Variants in NLRC4 observed in about 807,000 individuals in gnomAD.
NLRC4 encodes the protein NLR family CARD domain-containing protein 4.
NLRC4 carries 63 observed loss-of-function variants against 79.9 expected under a neutral mutation model. That is an observed-to-expected ratio of 0.79 (90% CI 0.64 to 0.97). The LOEUF (loss-of-function observed/expected upper bound fraction) is 0.97. Ranked by LOEUF, NLRC4 falls within the 50% of genes least tolerant of loss-of-function variation. The pLI, the probability that NLRC4 is intolerant of heterozygous loss-of-function variation, is 0.00. For synonymous variants in NLRC4, 461 were observed against 456.5 expected, an observed-to-expected ratio of 1.01 and a Z score of -0.12; for missense variants, 1,074 against 1,215.2, an observed-to-expected ratio of 0.88 and a Z score of 1.73.
At chr2:32,240,033 T>C (rs1441336657) in intron 5 of NLRC4, among the ~76,000 whole-genome samples, 1 of 152,166 alleles carries the variant, frequency 6.6e-6, no homozygotes, top group Non-Finnish European at 1.5e-5. Context: ...GAGGCTGGAG[T>C]GCAGTGGAGC....
chr2:32,258,018 C>T (rs752912748), intron 1 of NLRC4, among the ~76,000 whole-genome samples: 1 of 152,114 alleles, frequency 6.6e-6, no homozygotes, highest in Non-Finnish European at 1.5e-5. Flanking sequence ...GGGGTTCTTG[C>T]CTTGGTGTAC....
chr2:32,255,138 G>A (rs1305947483), intron 2 of NLRC4, among the ~76,000 whole-genome samples: 1 of 151,802 alleles, frequency 6.6e-6, no homozygotes, highest in Admixed American at 6.6e-5. Context: ...TCCTTCTGGG[G>A]TCTCATCTGT....
chr2:32,252,126 C>G (rs1573495981), intron 3 of NLRC4, among the ~76,000 whole-genome samples: 1 of 152,322 alleles, frequency 6.6e-6, no homozygotes, highest in East Asian at 1.9e-4. Flanking sequence ...TGCTGAGAAC[C>G]ACTGCTGCAC....
Position 32,250,815 on chromosome 2 carries a change from C to T in NLRC4, c.1049G>A (p.Gly350Asp). ...FVVITCAIQM[G>D]ESEFHSHTQT... ...TGTGTGAGAGTGGAACTCACTTTCA[C>T]CCATCTGGATTGCACAAGTGATGAC... The change falls in exon 4 of 9, where the codon GGT (glycine) becomes GAT (aspartate). Residue 350 changes from glycine to aspartate, a missense_variant. By Grantham distance (94) the Gly-to-Asp change is moderately conservative. Coordinates refer to ENST00000402280, the MANE Select transcript of NLRC4 (RefSeq NM_001199138.2). The surrounding 1 kb of genome is among the most constrained non-coding windows in gnomAD (Gnocchi z 4.9). 6.2e-7 allele frequency: 1 copy of T among 1,614,192 alleles called. No individual in the cohort carries two copies. Among genetic ancestry groups the T allele is most frequent in the Non-Finnish European group, 8.5e-7 (1 of 1,180,028 alleles).
At chr2:32,232,729 C>T (rs931989297) in intron 8 of NLRC4, among the ~76,000 whole-genome samples, 8 of 152,034 alleles carry the variant, frequency 5.3e-5, no homozygotes, top group Non-Finnish European at 1.0e-4. Flanking sequence ...ATAGAAAGGG[C>T]CTGAAAAATA....
chr2:32,257,617 A>G (rs1189202507), intron 1 of NLRC4, among the ~76,000 whole-genome samples: 1 of 151,582 alleles, frequency 6.6e-6, no homozygotes, highest in Non-Finnish European at 1.5e-5. Context: ...AAAAAGAAAA[A>G]AAAAAAAAAA....
At chr2:32,240,297 T>G (rs985243320) in intron 5 of NLRC4, among the ~76,000 whole-genome samples, 1 of 151,852 alleles carries the variant, frequency 6.6e-6, no homozygotes, top group Non-Finnish European at 1.5e-5. Context: ...CATGTTTGGC[T>G]TATAGGCTAG....
chr2:32,236,313 GT>G lies in NLRC4; in HGVS notation c.2547del (p.Lys849AsnfsTer2). The G allele has an allele frequency of 6.2e-7, 1 of 1,610,150 alleles. No individual in the cohort carries two copies. Among genetic ancestry groups the G allele is most frequent in the South Asian group, 1.1e-5 (1 of 90,342 alleles). On this transcript the variant is annotated frameshift_variant, in exon 7 of 9. Transcript: ENST00000402280. LOFTEE classifies it high-confidence loss of function. Reference protein sequence around the residue: ...ILAQNLHNLVKLSILDLSENY... With the variant: ...ILAQNLHNLVXLSILDLSENY... Reference sequence around the variant, plus strand: ...TTTTCTGATAAATCAAGAATGCTCAGTTTGACCAAATTGTGAAGATTCTGAG... The same window carrying G: ...TTTTCTGATAAATCAAGAATGCTCAGTTGACCAAATTGTGAAGATTCTGAG...
chr2:32,229,789 A>G (rs1686489054), intron 8 of NLRC4, among the ~76,000 whole-genome samples: 1 of 152,248 alleles, frequency 6.6e-6, no homozygotes. Flanking sequence ...CTGCGGAGGA[A>G]TCAAATAAAT....
intron 1 of NLRC4, among the ~76,000 whole-genome samples, chr2:32,259,172 G>T (rs911748522): frequency 8.6e-5 from 13 of 151,302 alleles, no homozygotes; most frequent in African/African-American, 3.2e-4. Context: ...CATGGCTCAC[G>T]GCATCCTTAA....
rs758575700 is a variant in NLRC4, at chr2:32,249,748, A to G, written c.2116T>C (p.Leu706=). 2 of 1,614,242 alleles carry G rather than the reference A, an allele frequency of 1.2e-6. No individual in the cohort carries two copies. The highest frequency in any genetic ancestry group is 2.2e-5 in the South Asian group (2 of 91,076). ...ATGTTCTTACAGGTGCTGAGGACCA[A>G]ACTGAGGCTTCCAGCCACACCAGCA... ...RCAGVAGSLS[L]VLSTCKNIYS... Residue 706 remains leucine, a synonymous_variant, in exon 4 of 9, where the codon TTG becomes CTG. Coordinates refer to ENST00000402280, the MANE Select transcript of NLRC4 (RefSeq NM_001199138.2).
Position 32,251,204 on chromosome 2 carries a change from G to C in NLRC4, c.660C>G (p.Leu220=), listed in dbSNP as rs1369119295. ...GGLFETLCDQ[L]LDIPGTIRKQ... ...TCCTGATTGTGCCAGGTATATCCAG[G>C]AGTTGATCACAGAGGGTTTCAAAAA... Residue 220 remains leucine, a synonymous_variant, in exon 4 of 9, where the codon CTC becomes CTG. Transcript: ENST00000402280. The C allele has an allele frequency of 1.2e-6, 2 of 1,614,044 alleles. No homozygotes were observed. The highest frequency in any genetic ancestry group is 1.3e-5 in the African/African-American group (1 of 74,914).
intron 8 of NLRC4, among the ~76,000 whole-genome samples, chr2:32,235,038 A>C (rs530594846): frequency 7.2e-5 from 11 of 152,232 alleles, no homozygotes; most frequent in Non-Finnish European, 1.5e-4. Flanking sequence ...AGATACAGCT[A>C]CATTCGCCTT....
intron 4 of NLRC4, among the ~76,000 whole-genome samples, chr2:32,244,887 AAGG>A (rs889233369): frequency 2.2e-4 from 33 of 151,020 alleles, no homozygotes; most frequent in East Asian, 3.9e-4. Context: ...GGAGAGGAAG[AAGG>A]AGGAGGAGGA....
chr2:32,260,856 C>T (rs1687325654), intron 1 of NLRC4, among the ~76,000 whole-genome samples: 3 of 152,154 alleles, frequency 2.0e-5, no homozygotes, highest in Non-Finnish European at 1.5e-5. Context: ...ATCTCTCAGT[C>T]CCTATGTATA....
chr2:32,264,933 A>T (rs1687433740), upstream of NLRC4: 2 of 151,990 alleles, frequency 1.3e-5, no homozygotes, highest in Admixed American at 6.6e-5. Flanking sequence ...AAGCACAGTA[A>T]GAGTGGTTTG....
chr2:32,237,785 C>T (rs943751904), intron 6 of NLRC4, among the ~76,000 whole-genome samples: 2 of 152,276 alleles, frequency 1.3e-5, no homozygotes, highest in African/African-American at 4.8e-5. Flanking sequence ...TTATCTCTCA[C>T]TTCTCAATCA....
At position 32,224,665 on chromosome 2, in the gene NLRC4, A is replaced by G. The variant is rs747016637; in HGVS notation, c.2883T>C (p.Phe961=). Residue 961 remains phenylalanine (F), a synonymous_variant, in exon 9 of 9, where the codon TTT becomes TTC. Transcript: ENST00000402280. Reference sequence around the variant, plus strand: ...AAAACACTAATTGCTTAAGATTCTCAAATACACCCATGAAGGCAAGCCATC... The same window carrying G: ...AAAACACTAATTGCTTAAGATTCTCGAATACACCCATGAAGGCAAGCCATC... The part of the protein sequence containing the change: ...SDGWLAFMGV[F]ENLKQLVFFD... 76 of 1,613,106 alleles carry G rather than the reference A, an allele frequency of 4.7e-5. No homozygotes were observed. In the Admixed American group the frequency reaches 4.8e-4, roughly 10 times the overall value.
At chr2:32,258,509 A>G (rs1687262561) in intron 1 of NLRC4, among the ~76,000 whole-genome samples, 1 of 152,070 alleles carries the variant, frequency 6.6e-6, no homozygotes, top group Non-Finnish European at 1.5e-5. Context: ...TTCTCTTCCC[A>G]GCACTTCCCT....
Sources: gnomAD v4.1 joint callset for allele counts (sites outside exome capture counted in the v4.1 genomes callset) on GRCh38, gnomAD v4.1.1 for gene constraint, Gnocchi (gnomAD v3.1) non-coding constraint, MANE v1.5 for transcripts, NCBI Gene and HGNC (gene_info 2026-07-23, HGNC 2026-07-21) for gene names.